INPP4A: variants seen among roughly 807,000 people sequenced by gnomAD.
INPP4A encodes inositol polyphosphate-4-phosphatase type I A, also known as inositol polyphosphate-4-phosphatase, type I, 107kD.
A neutral mutation model predicts 119.8 loss-of-function variants in INPP4A; 33 were observed. The ratio of observed to expected loss-of-function variants is 0.28; its 90% confidence interval spans 0.21 to 0.37. INPP4A has a LOEUF of 0.37. Ranked by LOEUF, INPP4A falls within the 10% of genes least tolerant of loss-of-function variation. The pLI is 1.00. For missense variants in INPP4A, 956 were observed against 1,289.9 expected, an observed-to-expected ratio of 0.74 and a Z score of 3.97; for synonymous variants, 496 against 500.7, an observed-to-expected ratio of 0.99 and a Z score of 0.12.
At position 98,468,585 on chromosome 2, in the gene INPP4A, A is replaced by ACCCT. The variant is rs1675283858; in HGVS notation, c.-166+23500_-166+23501insCCCT. 2.6e-5 allele frequency among the ~76,000 whole-genome samples: 4 copies of ACCCT among 152,204 alleles called. No homozygotes were observed. In the South Asian group the frequency reaches 8.3e-4, roughly 32 times the overall value. On this transcript the variant is annotated intron_variant, in intron 1 of 24. Transcript: ENST00000409851. Reference sequence around the variant, plus strand: ...TGCCACTAGGGGAGGGTAATAAAGGAAGGAAGGGGAATGAAATCCAAACCA... The same window carrying ACCCT: ...TGCCACTAGGGGAGGGTAATAAAGGACCCTAGGAAGGGGAATGAAATCCAAACCA...
At chr2:98,478,416 A>G (rs1199180941) in intron 1 of INPP4A, among the ~76,000 whole-genome samples, 5 of 152,212 alleles carry the variant, frequency 3.3e-5, no homozygotes, top group African/African-American at 1.2e-4. Context: ...TCTGAGGTCC[A>G]GGGTGTGAGA....
chr2:98,470,197 T>C (rs751495797), intron 1 of INPP4A, among the ~76,000 whole-genome samples: 1 of 152,178 alleles, frequency 6.6e-6, no homozygotes, highest in East Asian at 1.9e-4. Context: ...CAGTGAGCCA[T>C]TGGGAGTGCT....
rs149071118 is a variant in INPP4A, at chr2:98,466,865, C to T, written c.-166+21780C>T. Among the ~76,000 whole-genome samples, 586 of 152,290 alleles carry T rather than the reference C, an allele frequency of 3.8e-3. 3 individuals carry two copies. The highest frequency in any genetic ancestry group is 0.013 in the African/African-American group (525 of 41,564). On this transcript the variant is annotated intron_variant, in intron 1 of 24. Coordinates refer to ENST00000409851, the MANE Select transcript of INPP4A (RefSeq NM_001134225.2). ...ATAACTACACCAGGCTTCTGAATGC[C>T]GAGTTTCTTAGAGTAGCCGGGAAAG...
intron 13 of INPP4A, among the ~76,000 whole-genome samples, chr2:98,549,263 AAGCCCCTGGGTGCTGGGTTCTCATGTC>A (rs1298166960): frequency 6.6e-6 from 1 of 152,140 alleles, no homozygotes; most frequent in Non-Finnish European, 1.5e-5. Flanking sequence ...CCGACCCAGG[AAGCCCCTGGGTGCTGGGTTCTCATGTC>A]AGCCCCTGGG....
At chr2:98,488,509 G>A (rs1680012999) in intron 1 of INPP4A, among the ~76,000 whole-genome samples, 1 of 152,156 alleles carries the variant, frequency 6.6e-6, no homozygotes. Flanking sequence ...ACCCGAAATT[G>A]TCTCTGTCAC....
At position 98,552,929 on chromosome 2, in the gene INPP4A, C is replaced by T. The variant is rs982751951; in HGVS notation, c.1307C>T (p.Ala436Val). ...RLSRAAKDRSATGLERTLAIL... is the reference protein window; with the variant it reads ...RLSRAAKDRSVTGLERTLAIL... ...TCAAGGGCAGCCAAGGACAGGTCTG[C>T]CACTGGCCTTGAGAGGACACTCGCC... The change falls in exon 14 of 25, where the codon GCC becomes GTC. Residue 436 changes from alanine (A) to valine (V), a missense_variant. Coordinates refer to ENST00000409851, the MANE Select transcript of INPP4A (RefSeq NM_001134225.2). 1 of 1,613,266 alleles carries T rather than the reference C, an allele frequency of 6.2e-7. No homozygotes were observed. The highest frequency in any genetic ancestry group is 1.3e-5 in the African/African-American group (1 of 74,926).
chr2:98,498,899 C>T (rs2105349080), intron 1 of INPP4A, among the ~76,000 whole-genome samples: 1 of 152,300 alleles, frequency 6.6e-6, no homozygotes, highest in African/African-American at 2.4e-5. Context: ...AATCAGCTGG[C>T]ATCTTGACCT....
At chr2:98,514,793 C>T (rs916136589) in intron 1 of INPP4A, among the ~76,000 whole-genome samples, 5 of 152,060 alleles carry the variant, frequency 3.3e-5, no homozygotes, top group African/African-American at 4.8e-5. Flanking sequence ...GTGGCACACA[C>T]GTGTGGTCCC....
chr2:98,561,086 A>G (rs1159339944), intron 17 of INPP4A, among the ~76,000 whole-genome samples: 1 of 152,206 alleles, frequency 6.6e-6, no homozygotes, highest in Non-Finnish European at 1.5e-5. Context: ...AAAGGCACAC[A>G]CACTCTCCCT....
chr2:98,577,299 C>A (rs1698589520), intron 24 of INPP4A, among the ~76,000 whole-genome samples, 156 bp downstream of exon 24: 1 of 152,250 alleles, frequency 6.6e-6, no homozygotes, highest in African/African-American at 2.4e-5. Context: ...AAACTATTGG[C>A]ACTATCAAAT....
At chr2:98,460,045 C>G (rs1574500017) in intron 1 of INPP4A, among the ~76,000 whole-genome samples, 1 of 150,902 alleles carries the variant, frequency 6.6e-6, no homozygotes, top group South Asian at 2.1e-4. Flanking sequence ...TGGCTGGAAC[C>G]TAGGTCTGCT....
In INPP4A at chr2:98,591,084, A is replaced by G. The variant is rs1486263607; in HGVS notation, c.*3476A>G. On this transcript the variant is annotated 3_prime_UTR_variant, in exon 25 of 25. Transcript: ENST00000409851. Reference sequence around the variant, plus strand: ...TGTCAGCTGTCTTTTGGTCTGTGGTAGGAGTTATACAGTATTTTAAATGGT... The same window carrying G: ...TGTCAGCTGTCTTTTGGTCTGTGGTGGGAGTTATACAGTATTTTAAATGGT... 1.5e-5 allele frequency: 3 copies of G among 205,344 alleles called. No individual in the cohort carries two copies. Among genetic ancestry groups the G allele is most frequent in the Non-Finnish European group, 3.0e-5 (3 of 100,534 alleles). The allele number at this position is 205,344 out of a possible 1,614,324, so 12.7% of individuals were successfully genotyped here. A position where few individuals can be genotyped will look rare whatever the true frequency, so the allele number is the denominator to read the frequency against.
At chr2:98,535,508 G>T (rs1690077617) in intron 5 of INPP4A, among the ~76,000 whole-genome samples, 1 of 152,138 alleles carries the variant, frequency 6.6e-6, no homozygotes, top group Non-Finnish European at 1.5e-5. Flanking sequence ...ATTGTATGTG[G>T]ATCTGTAATG....
At chr2:98,481,951 G>A (rs1251909147) in intron 1 of INPP4A, among the ~76,000 whole-genome samples, 6 of 152,176 alleles carry the variant, frequency 3.9e-5, no homozygotes, top group African/African-American at 1.4e-4. Context: ...ATTGTTTGAT[G>A]TCTTGTCCTG....
intron 1 of INPP4A, among the ~76,000 whole-genome samples, chr2:98,500,667 A>C (rs898544053): frequency 1.3e-5 from 2 of 152,204 alleles, no homozygotes; most frequent in African/African-American, 4.8e-5. Flanking sequence ...TTGAGAGTAA[A>C]GTGGATTCTG....
At chr2:98,583,176 G>A (rs563289203) in intron 24 of INPP4A, among the ~76,000 whole-genome samples, 3 of 152,114 alleles carry the variant, frequency 2.0e-5, no homozygotes, top group Non-Finnish European at 4.4e-5. Context: ...AGTCACCAAA[G>A]GCTGTTAAAG....
chr2:98,528,942 G>T (rs778979654), intron 4 of INPP4A, among the ~76,000 whole-genome samples: 4 of 152,066 alleles, frequency 2.6e-5, no homozygotes, highest in Non-Finnish European at 4.4e-5. Context: ...GCTGGGCGTG[G>T]TGGCAGGCGC....
chr2:98,567,817 C>G (rs1461744979), intron 21 of INPP4A, among the ~76,000 whole-genome samples: 1 of 152,112 alleles, frequency 6.6e-6, no homozygotes, highest in Non-Finnish European at 1.5e-5. Context: ...GAGAAAAGGC[C>G]ATTGTGGACA....
intron 22 of INPP4A, among the ~76,000 whole-genome samples, chr2:98,571,139 C>T (rs1037121063): frequency 3.9e-5 from 6 of 152,218 alleles, no homozygotes; most frequent in African/African-American, 1.4e-4. Flanking sequence ...GACCGGAGTT[C>T]AAACAGCAGA....
Sources: allele counts gnomAD v4.1 joint callset (sites outside exome capture counted in the v4.1 genomes callset), GRCh38; gene constraint gnomAD v4.1.1; transcripts MANE v1.5; gene names NCBI Gene and HGNC (gene_info 2026-07-23, HGNC 2026-07-21).